Variants in ADA observed in about 807,000 individuals in gnomAD.
ADA encodes the protein adenosine aminohydrolase.
Under a neutral mutation model 49.0 loss-of-function variants are expected in ADA, and 45 were observed. The observed-to-expected ratio is 0.92, with a 90% CI of 0.72 to 1.18. ADA has a LOEUF of 1.18. Among genes scored for constraint, ADA ranks in the 50% most tolerant of loss-of-function variants. The pLI is 0.00. For synonymous variants in ADA, 173 were observed against 184.2 expected (o/e 0.94, Z 0.49); for missense variants, 445 against 472.5 (o/e 0.94, Z 0.54).
At chr20:44,621,907 G>A (rs2065335789) in intron 9 of ADA, among the ~76,000 whole-genome samples, 1 of 152,132 alleles carries the variant, frequency 6.6e-6, no homozygotes, top group Admixed American at 6.5e-5. Flanking sequence ...GGTGCCACGT[G>A]TCCCTAAGGC....
intron 1 of ADA, among the ~76,000 whole-genome samples, chr20:44,647,478 C>T (rs957518108): frequency 2.6e-5 from 4 of 151,972 alleles, no homozygotes; most frequent in Admixed American, 1.3e-4. Flanking sequence ...CAGCCTGTAC[C>T]TGTTCACTTG....
At chr20:44,626,187 G>A (rs982342622) in intron 4 of ADA, 10 of 558,910 alleles carry the variant, frequency 1.8e-5, no homozygotes, top group African/African-American at 7.5e-5. Context: ...TGGCTAAGCA[G>A]GTTAACATTC....
At chr20:44,629,190 G>T in intron 2 of ADA, 21 bp from the exon 3 acceptor site, 2 of 1,614,110 alleles carry the variant, frequency 1.2e-6, no homozygotes, top group Non-Finnish European at 1.7e-6. Context: ...AACAGTGAGT[G>T]GTGGACCAAC....
At chr20:44,622,526 G>A in intron 9 of ADA, 62 bp downstream of exon 9, 1 of 1,593,924 alleles carries the variant, frequency 6.3e-7, no homozygotes, top group Admixed American at 1.7e-5. Context: ...AATCCCTAAA[G>A]TTTCTTCCCT....
intron 9 of ADA, among the ~76,000 whole-genome samples, chr20:44,622,050 C>T (rs879542090): frequency 9.2e-5 from 14 of 152,192 alleles, no homozygotes; most frequent in Admixed American, 4.6e-4. Flanking sequence ...TTGGGGAAGG[C>T]GGCTTTTTCC....
rs762695968 is a variant in ADA, at chr20:44,636,265, G to T, written c.57C>A (p.Asp19Glu). 6.2e-7 allele frequency: 1 copy of T among 1,609,504 alleles called. No homozygotes were observed. The change falls in exon 2 of 12, where the codon GAC (aspartate) becomes GAA (glutamate). Residue 19 changes from aspartate to glutamate, a missense_variant. By Grantham distance (45) the Asp-to-Glu change is conservative (BLOSUM62 2). Transcript: ENST00000372874. Reference protein sequence around the residue: ...KPKVELHVHLDGSIKPETILY... With the variant: ...KPKVELHVHLEGSIKPETILY... ...AGATGGTTTCAGGCTTGATGGATCC[G>T]TCTAGGTGGACATGCAGTTCCACCT...
chr20:44,623,145 A>G, intron 6 of ADA, 67 bp from the exon 7 acceptor site: 1 of 1,607,368 alleles, frequency 6.2e-7, no homozygotes, highest in Non-Finnish European at 8.5e-7. Flanking sequence ...TGCCTTGACC[A>G]TGCTGTGGAG....
At chr20:44,650,053 T>C (rs6031697) in intron 1 of ADA, among the ~76,000 whole-genome samples, 59,320 of 152,110 alleles carry the variant, frequency 0.39, 11,767 homozygotes, top group South Asian at 0.54. Context: ...AGCTTTGCTA[T>C]TGCCATAGGA....
chr20:44,621,465 C>T (rs541373758), intron 9 of ADA, among the ~76,000 whole-genome samples: 141 of 152,210 alleles, frequency 9.3e-4, no homozygotes, highest in African/African-American at 3.2e-3. Context: ...CATCCCCCTC[C>T]GGCTGCCACC....
intron 1 of ADA, among the ~76,000 whole-genome samples, chr20:44,636,711 C>T (rs2065484200): frequency 6.6e-6 from 1 of 152,190 alleles, no homozygotes; most frequent in Admixed American, 6.5e-5. Flanking sequence ...CCGCTCTCAG[C>T]CAACTAAATA....
intron 5 of ADA, among the ~76,000 whole-genome samples, chr20:44,625,200 T>TG (rs767882084): frequency 6.6e-6 from 1 of 152,138 alleles, no homozygotes; most frequent in Non-Finnish European, 1.5e-5. Context: ...TCAGAAATCT[T>TG]GGAAATCAGA....
Position 44,629,316 on chromosome 20 carries a change from C to A in ADA, c.96-147G>T, listed in dbSNP as rs919183570. On this transcript the variant is annotated intron_variant, in intron 2 of 11. Transcript: ENST00000372874. ...GCGTCTCTCAGTCCAGCTGCTCCCA[C>A]TGGACAGATGGGGAAACTGAGAACC... The A allele has an allele frequency of 1.1e-5, 13 of 1,237,178 alleles. No individual in the cohort carries two copies. In the African/African-American group the frequency reaches 1.6e-4, roughly 16 times the overall value. The allele number at this position is 1,237,178 out of a possible 1,614,324, so 76.6% of individuals were successfully genotyped here.
intron 3 of ADA, among the ~76,000 whole-genome samples, chr20:44,628,300 A>C (rs2065400963): frequency 1.3e-5 from 2 of 152,124 alleles, no homozygotes; most frequent in African/African-American, 4.8e-5. Flanking sequence ...CGAGGCGGGC[A>C]GATCACCTGA....
chr20:44,619,624 G>A lies in ADA; in HGVS notation c.*210C>T, dbSNP rs575806878. On this transcript the variant is annotated 3_prime_UTR_variant, in exon 12 of 12. Transcript: ENST00000372874. Reference sequence around the variant, plus strand: ...TTCAACCATGCCCATGTGCAAGGGCGCTGGTCCCTGGCCAGGGCACATAAT... The same window carrying A: ...TTCAACCATGCCCATGTGCAAGGGCACTGGTCCCTGGCCAGGGCACATAAT... 2.8e-5 allele frequency: 17 copies of A among 611,580 alleles called. No individual in the cohort carries two copies. Among genetic ancestry groups the A allele is most frequent in the Admixed American group, 5.3e-5 (2 of 37,628 alleles). 37.9% of individuals were successfully genotyped at this position (611,580 alleles called of 1,614,324 possible). A position where few individuals can be genotyped will look rare whatever the true frequency, so the allele number is the denominator to read the frequency against.
At chr20:44,621,332 G>C (rs1305864000) in intron 9 of ADA, among the ~76,000 whole-genome samples, 185 bp from the exon 10 acceptor site, 1 of 152,158 alleles carries the variant, frequency 6.6e-6, no homozygotes, top group Non-Finnish European at 1.5e-5. Flanking sequence ...TATGTAACCA[G>C]AAAGTCCAGA....
chr20:44,622,794 G>A lies in ADA; in HGVS notation c.780+35C>T, dbSNP rs201219441. ...CTCTATACAGGAAGTTGGGACAGCC[G>A]GGGATGGTTCCTCCCCACTCCCTGG... is the stretch of plus-strand genomic sequence containing the variant. On this transcript the variant is annotated intron_variant, in intron 8 of 11. Transcript: ENST00000372874. The A allele has an allele frequency of 1.4e-4, 228 of 1,614,134 alleles. No individual in the cohort carries two copies. In the East Asian group the frequency reaches 2.4e-3, roughly 17 times the overall value.
chr20:44,651,221 G>A (rs1300715199), intron 1 of ADA, among the ~76,000 whole-genome samples: 1 of 152,218 alleles, frequency 6.6e-6, no homozygotes, highest in Non-Finnish European at 1.5e-5. Flanking sequence ...CCTATCCGGC[G>A]TAGACATCGG....
chr20:44,644,910 A>G (rs964939810), intron 1 of ADA, among the ~76,000 whole-genome samples: 11 of 152,148 alleles, frequency 7.2e-5, no homozygotes, highest in Non-Finnish European at 1.2e-4. Context: ...CAGCATAGGG[A>G]CTCAGCACAC....
intron 1 of ADA, among the ~76,000 whole-genome samples, chr20:44,639,087 A>G (rs1288501266): frequency 6.6e-6 from 1 of 152,186 alleles, no homozygotes; most frequent in African/African-American, 2.4e-5. Context: ...TTTATCTGGA[A>G]AGCACACAGA....
Sources: gnomAD v4.1 joint callset for allele counts (sites outside exome capture counted in the v4.1 genomes callset) on GRCh38, gnomAD v4.1.1 for gene constraint, MANE v1.5 for transcripts, NCBI Gene and HGNC (gene_info 2026-07-23, HGNC 2026-07-21) for gene names.